POLR3E: variants seen among roughly 807,000 people sequenced by gnomAD.
POLR3E encodes the protein DNA-directed RNA polymerase III subunit RPC5.
POLR3E carries 41 observed loss-of-function variants against 96.6 expected under a neutral mutation model. That is an observed-to-expected ratio of 0.42 (90% CI 0.33 to 0.55). The LOEUF (loss-of-function observed/expected upper bound fraction) is 0.55, where lower values mean the gene tolerates loss of function less well. Ranked by LOEUF, POLR3E falls within the 20% of genes least tolerant of loss-of-function variation. The pLI is 0.06. For missense variants in POLR3E, 849 were observed against 952.1 expected (o/e 0.89, Z 1.43); for synonymous variants, 396 against 383.6 (o/e 1.03, Z -0.38).
At chr16:22,330,987 C>CATTTT in intron 19 of POLR3E, among the ~76,000 whole-genome samples, 1 of 59,460 alleles carries the variant, frequency 1.7e-5, no homozygotes, top group Non-Finnish European at 4.8e-5. Context: ...CATGAAGCAT[C>CATTTT]CTTTTTTTTT....
intron 19 of POLR3E, chr16:22,331,417 A>C (rs543507337): frequency 6.6e-6 from 1 of 152,128 alleles, no homozygotes; most frequent in Non-Finnish European, 1.5e-5. Context: ...ATTATTCTGT[A>C]TATCAGTCAG....
intron 19 of POLR3E, among the ~76,000 whole-genome samples, chr16:22,330,164 A>G (rs2048707177): frequency 1.3e-5 from 2 of 151,958 alleles, no homozygotes; most frequent in South Asian, 4.2e-4. Context: ...CTTGCGTTCA[A>G]GCGATTCTTG....
intron 1 of POLR3E, among the ~76,000 whole-genome samples, chr16:22,299,428 T>G (rs1469300121): frequency 1.3e-5 from 2 of 150,460 alleles, no homozygotes; most frequent in Non-Finnish European, 3.0e-5. Context: ...TTTTTTTTTT[T>G]TTTGAGATGG....
rs772162528 is a variant in POLR3E at position 22,314,076 on chromosome 16, C to G, written c.473-3C>G. 2.5e-6 allele frequency: 4 copies of G among 1,613,282 alleles called. No homozygotes were observed. The highest frequency in any genetic ancestry group is 3.4e-6 in the Non-Finnish European group (4 of 1,179,472). On this transcript the variant is annotated splice_polypyrimidine_tract_variant and splice_region_variant and intron_variant, in intron 7 of 20. Coordinates refer to ENST00000299853, the MANE Select transcript of POLR3E (RefSeq NM_018119.4). ...TGCAGTCAGTGGCTTGTCTCTCTTG[C>G]AGCAGGGGACTCTTCACAGGATGAG...
Position 22,322,080 on chromosome 16 carries a change from G to A in POLR3E, c.987-770G>A, listed in dbSNP as rs149758567. Among the ~76,000 whole-genome samples, 296 of 152,318 alleles carry A rather than the reference G, an allele frequency of 1.9e-3. 1 individual carries two copies. Among genetic ancestry groups the A allele is most frequent in the African/African-American group, 6.7e-3 (277 of 41,580 alleles). On this transcript the variant is annotated intron_variant, in intron 13 of 20. Transcript: ENST00000299853. The surrounding 1 kb of genome is among the most constrained non-coding windows in gnomAD (Gnocchi z 5.2). ...CAGCACACACTTAATAGGTACCTTC[G>A]CTGTGGTGGCAGCGATGAGCCACAT...
At chr16:22,323,410 T>G (rs922411199) in intron 14 of POLR3E, among the ~76,000 whole-genome samples, 1 of 152,032 alleles carries the variant, frequency 6.6e-6, no homozygotes, top group Non-Finnish European at 1.5e-5. Flanking sequence ...GGTGTCTCCC[T>G]TCTTCCCATC....
At chr16:22,329,952 T>TAAAAA (rs544204575) in intron 19 of POLR3E, among the ~76,000 whole-genome samples, 1 of 147,100 alleles carries the variant, frequency 6.8e-6, no homozygotes, top group African/African-American at 2.5e-5. Flanking sequence ...TGCCCCCATT[T>TAAAAA]AAAAAAAAAA....
intron 1 of POLR3E, among the ~76,000 whole-genome samples, chr16:22,298,367 G>T (rs1016392022): frequency 6.6e-6 from 1 of 152,210 alleles, no homozygotes; most frequent in Non-Finnish European, 1.5e-5. Context: ...ACCCGCTTAC[G>T]TTGGCAGAAA....
chr16:22,304,107 G>A (rs558275693), intron 2 of POLR3E, among the ~76,000 whole-genome samples: 1 of 152,164 alleles, frequency 6.6e-6, no homozygotes, highest in East Asian at 1.9e-4. Context: ...CACCATGGCC[G>A]GCACAGGTTT....
In POLR3E at chr16:22,318,962, T is replaced by G; in HGVS notation, c.986+16T>G. 1 of 1,557,032 alleles carries G rather than the reference T, an allele frequency of 6.4e-7. No individual in the cohort carries two copies. The highest frequency in any genetic ancestry group is 8.7e-7 in the Non-Finnish European group (1 of 1,150,162). On this transcript the variant is annotated intron_variant, in intron 13 of 20. Coordinates refer to ENST00000299853, the MANE Select transcript of POLR3E (RefSeq NM_018119.4). The surrounding 1 kb of genome is among the most constrained non-coding windows in gnomAD (Gnocchi z 5.0). ...TGGTGAAGAGGTAAGTTGCTTTTTT[T>G]ATTTTTTATTTTTATTTATTTTTTT... is the stretch of plus-strand genomic sequence containing the variant.
At chr16:22,324,129 A>G (rs773397879) in intron 14 of POLR3E, among the ~76,000 whole-genome samples, 8 of 151,998 alleles carry the variant, frequency 5.3e-5, no homozygotes, top group Non-Finnish European at 1.2e-4. Context: ...GGATGGTCCC[A>G]TGGTCCCCTT....
intron 14 of POLR3E, among the ~76,000 whole-genome samples, chr16:22,323,670 C>T (rs2048516382): frequency 6.6e-6 from 1 of 152,126 alleles, no homozygotes; most frequent in African/African-American, 2.4e-5. Context: ...CATCTTTGCT[C>T]CTAGGGGTCA....
rs2048554111 is a variant in POLR3E at position 22,325,212 on chromosome 16, A to G, written c.1294A>G (p.Lys432Glu). Residue 432 changes from lysine (K) to glutamate (E), a missense_variant, in exon 17 of 21, where the codon AAA (lysine) becomes GAA (glutamate). Lys to Glu is a moderately conservative substitution (Grantham distance 56). Transcript: ENST00000299853. ...GGTTACTCTTCTTTTCAGACTGGAA[A>G]AAGTCTATAATCTTGTAAAGGAAAC... is the stretch of plus-strand genomic sequence containing the variant. Reference protein sequence around the residue: ...LWTGIQAKLEKVYNLVKETMP... With the variant: ...LWTGIQAKLEEVYNLVKETMP... The G allele has an allele frequency of 5.0e-6, 8 of 1,612,520 alleles. No individual in the cohort carries two copies. Among genetic ancestry groups the G allele is most frequent in the Non-Finnish European group, 5.9e-6 (7 of 1,178,694 alleles).
intron 1 of POLR3E, chr16:22,302,392 A>ATTCT (rs2048043899): frequency 6.5e-6 from 1 of 154,152 alleles, no homozygotes; most frequent in African/African-American, 2.4e-5. Flanking sequence ...TGTTGAATAC[A>ATTCT]GGACAGAAGA....
intron 18 of POLR3E, chr16:22,327,284 CAG>C (rs2048618637): frequency 6.6e-6 from 1 of 152,378 alleles, no homozygotes. Context: ...TAGGCTGTCT[CAG>C]GGGATCGGCC....
chr16:22,313,000 C>T (rs943982883), intron 6 of POLR3E, among the ~76,000 whole-genome samples: 8 of 151,902 alleles, frequency 5.3e-5, no homozygotes, highest in African/African-American at 1.7e-4. Flanking sequence ...TCATATAACT[C>T]GCGCGTTCTG....
chr16:22,328,351 TTG>T (rs1202899740), intron 18 of POLR3E, 157 bp from the exon 19 acceptor site: 1 of 650,884 alleles, frequency 1.5e-6, no homozygotes, highest in East Asian at 2.8e-5. Flanking sequence ...AGGCACAGGT[TTG>T]TGGCTGCCCA....
In POLR3E at chr16:22,313,710, G is replaced by A; in HGVS notation, c.455G>A (p.Arg152Lys). The change falls in exon 7 of 21, where the codon AGG becomes AAG. Residue 152 changes from arginine (R) to lysine (K), a missense_variant. Arg to Lys is a conservative substitution (Grantham distance 26). Coordinates refer to ENST00000299853, the MANE Select transcript of POLR3E (RefSeq NM_018119.4). This position sits in a 1 kb window ranked among gnomAD's most constrained non-coding sequence, Gnocchi z 4.1. The part of the protein sequence containing the change: ...LDKADAKHRE[R>K]EAANEAGDSS... Reference sequence around the variant, plus strand: ...AAGGCTGACGCCAAGCACCGGGAGAGGGAGGCGGCCAACGAGGGTGAGCCC... The same window carrying A: ...AAGGCTGACGCCAAGCACCGGGAGAAGGAGGCGGCCAACGAGGGTGAGCCC... 6.2e-7 allele frequency: 1 copy of A among 1,612,424 alleles called. No individual in the cohort carries two copies. Among genetic ancestry groups the A allele is most frequent in the Non-Finnish European group, 8.5e-7 (1 of 1,179,326 alleles).
chr16:22,322,727 G>A lies in POLR3E; in HGVS notation c.987-123G>A. 1 of 647,904 alleles carries A rather than the reference G, an allele frequency of 1.5e-6. No homozygotes were observed. The highest frequency in any genetic ancestry group is 2.7e-6 in the Non-Finnish European group (1 of 364,170). The allele number at this position is 647,904 out of a possible 1,614,324, so 40.1% of individuals were successfully genotyped here. On this transcript the variant is annotated intron_variant, in intron 13 of 20. Coordinates refer to ENST00000299853, the MANE Select transcript of POLR3E (RefSeq NM_018119.4). The surrounding 1 kb of genome is among the most constrained non-coding windows in gnomAD (Gnocchi z 5.2). The stretch of plus-strand genomic sequence containing the variant: ...GATGTGGCTCCTAAGGGGAGGTCTT[G>A]GGGCTCAGGCCTGTACCCAGCCCAC...
Sources: gnomAD v4.1 joint callset for allele counts (sites outside exome capture counted in the v4.1 genomes callset) on GRCh38, gnomAD v4.1.1 for gene constraint, Gnocchi (gnomAD v3.1) non-coding constraint, MANE v1.5 for transcripts, NCBI Gene and HGNC (gene_info 2026-07-23, HGNC 2026-07-21) for gene names.